DST: variants seen among roughly 807,000 people sequenced by gnomAD.
DST encodes bullous pemphigoid antigen.
Under a neutral mutation model 875.2 loss-of-function variants are expected in DST, and 253 were observed. That is an observed-to-expected ratio of 0.29 (90% CI 0.26 to 0.32). The LOEUF (loss-of-function observed/expected upper bound fraction) is 0.32. Ranked by LOEUF, DST falls within the 10% of genes least tolerant of loss-of-function variation. The probability of loss-of-function intolerance (pLI) is 1.00; values close to 1 mark genes in which losing one functional copy is unlikely to be tolerated. For synonymous variants in DST, 3,124 were observed against 3,197.1 expected (o/e 0.98, Z 0.77); for missense variants, 8,287 against 9,111.6 (o/e 0.91, Z 3.68).
Position 56,608,172 on chromosome 6 carries a change from A to G in DST, c.6456T>C (p.Asp2152=). The change falls in exon 40 of 104, where the codon GAT becomes GAC. Residue 2152 remains aspartate (D), a synonymous_variant. Coordinates refer to ENST00000680361, the MANE Select transcript of DST (RefSeq NM_001374736.1). The stretch of plus-strand genomic sequence containing the variant: ...TTCTGGCATTTTTACAAGCTTCTAA[A>G]TCTCCTAAATCTGGCATTTTATCAG... ...TLPDKMPDLG[D]LEACKNARRW... 6.2e-7 allele frequency: 1 copy of G among 1,613,704 alleles called. No homozygotes were observed. The highest frequency in any genetic ancestry group is 1.1e-5 in the South Asian group (1 of 91,080).
chr6:56,479,447 T>C (rs2095326149), intron 90 of DST, among the ~76,000 whole-genome samples: 1 of 152,004 alleles, frequency 6.6e-6, no homozygotes, highest in East Asian at 1.9e-4. Context: ...GGAAAAGAAA[T>C]CATTATATCA....
chr6:56,843,817 C>T (rs1406600350), intron 4 of DST, among the ~76,000 whole-genome samples: 3 of 151,726 alleles, frequency 2.0e-5, no homozygotes, highest in African/African-American at 7.3e-5. Flanking sequence ...TGGCTCAGCT[C>T]CGGCCCCGGC....
At chr6:56,491,061 G>C (rs1335526652) in intron 85 of DST, among the ~76,000 whole-genome samples, 1 of 152,212 alleles carries the variant, frequency 6.6e-6, no homozygotes, top group Non-Finnish European at 1.5e-5. Context: ...ATAATGTGGA[G>C]AGAAAACTGT....
At chr6:56,599,453 C>A (rs2098422547) in intron 45 of DST, among the ~76,000 whole-genome samples, 1 of 152,002 alleles carries the variant, frequency 6.6e-6, no homozygotes, top group Admixed American at 6.6e-5. Context: ...GTGACTTACA[C>A]AATATTTACT....
rs1797010680 is a variant in DST at position 56,907,716 on chromosome 6, G to T, written c.217-7095C>A. Among the ~76,000 whole-genome samples the T allele has an allele frequency of 2.6e-5, 4 of 151,980 alleles. 1 individual carries two copies. In the South Asian group the frequency reaches 8.3e-4, roughly 31 times the overall value. ...ATGTTGACTGATTAAAACAAGAAAA[G>T]ATCTATTAACAATTTAGATGAATGA... On this transcript the variant is annotated intron_variant, in intron 2 of 103. Transcript: ENST00000680361.
intron 69 of DST, among the ~76,000 whole-genome samples, chr6:56,522,189 T>G (rs930013650): frequency 5.9e-5 from 9 of 152,118 alleles, no homozygotes; most frequent in Non-Finnish European, 1.2e-4. Flanking sequence ...GTGCTTAACA[T>G]GCAATACCTC....
intron 9 of DST, among the ~76,000 whole-genome samples, chr6:56,694,185 G>A (rs1411699556): frequency 6.8e-6 from 1 of 146,854 alleles, no homozygotes; most frequent in Non-Finnish European, 1.5e-5. Context: ...TCTAAGGTGT[G>A]CATATTTCTA....
At chr6:56,584,336 T>C (rs1262694891) in intron 49 of DST, among the ~76,000 whole-genome samples, 1 of 152,114 alleles carries the variant, frequency 6.6e-6, no homozygotes, top group Non-Finnish European at 1.5e-5. Context: ...TTCCTAAGTA[T>C]TTTATTCTCT....
chr6:56,581,885 T>G (rs541828654), intron 49 of DST, among the ~76,000 whole-genome samples: 1 of 152,338 alleles, frequency 6.6e-6, no homozygotes, highest in Non-Finnish European at 1.5e-5. Context: ...TACTTTCTCC[T>G]GGGGTATATC....
At chr6:56,949,746 A>G (rs1821408422) in intron 2 of DST, among the ~76,000 whole-genome samples, 1 of 152,258 alleles carries the variant, frequency 6.6e-6, no homozygotes, top group African/African-American at 2.4e-5. Context: ...TTATTTATTT[A>G]TAAAGATAAC....
intron 4 of DST, among the ~76,000 whole-genome samples, chr6:56,808,941 T>C (rs150443348): frequency 8.7e-4 from 132 of 152,326 alleles, no homozygotes; most frequent in African/African-American, 2.6e-3. Flanking sequence ...CTGGTTTATA[T>C]TGGACTGCCT....
In DST at chr6:56,617,347, G is replaced by A. The variant is rs370483824; in HGVS notation, c.4930-2863C>T. On this transcript the variant is annotated intron_variant, in intron 36 of 103. Transcript: ENST00000680361. ...CTTCAAGCATCCATTCTTCAGCACTGGGAACTGGGTTCTTTTCTTGTTTTA... is the reference window on the plus strand; with the variant it reads ...CTTCAAGCATCCATTCTTCAGCACTAGGAACTGGGTTCTTTTCTTGTTTTA... 45 of 1,613,796 alleles carry A rather than the reference G, an allele frequency of 2.8e-5. No individual in the cohort carries two copies. The African/African-American group carries it at 5.5e-4, about 20-fold the overall frequency.
chr6:56,618,424 C>CT (rs759559819), intron 36 of DST: 3 of 1,613,996 alleles, frequency 1.9e-6, no homozygotes, highest in Non-Finnish European at 2.5e-6. Flanking sequence ...TGGCTGTGCT[C>CT]TTTTTTTGAA....
chr6:56,695,495 C>T (rs974604310), intron 9 of DST, among the ~76,000 whole-genome samples: 5 of 152,198 alleles, frequency 3.3e-5, no homozygotes, highest in Non-Finnish European at 7.3e-5. Flanking sequence ...TGCCTGGTTA[C>T]TGGCATTCAT....
chr6:56,758,460 C>T (rs1421692759), intron 4 of DST, among the ~76,000 whole-genome samples: 9 of 151,292 alleles, frequency 5.9e-5, no homozygotes, highest in Non-Finnish European at 1.2e-4. Context: ...TGACAAACTA[C>T]ACTGGAATTC....
intron 61 of DST, among the ~76,000 whole-genome samples, chr6:56,541,891 G>C (rs1192733503): frequency 1.3e-5 from 2 of 152,124 alleles, no homozygotes; most frequent in African/African-American, 4.8e-5. Flanking sequence ...CCAAAACACA[G>C]AAAATAAACA....
rs1259956181 is a variant in DST at position 56,900,409 on chromosome 6, T to C, written c.417+12A>G. ...AATTTAATATTTTTATAAAAGACAG[T>C]TCTCTACTTACAGGCCTCCTGATTG... On this transcript the variant is annotated intron_variant, in intron 3 of 103. Transcript: ENST00000680361. 3 of 1,363,036 alleles carry C rather than the reference T, an allele frequency of 2.2e-6. No homozygotes were observed. Among genetic ancestry groups the C allele is most frequent in the Non-Finnish European group, 2.0e-6 (2 of 1,019,822 alleles). 84.4% of individuals were successfully genotyped at this position (1,363,036 alleles called of 1,614,324 possible).
intron 4 of DST, among the ~76,000 whole-genome samples, chr6:56,767,022 C>T (rs1400361660): frequency 2.0e-5 from 3 of 152,096 alleles, no homozygotes; most frequent in South Asian, 2.1e-4. Context: ...CAAGCAGCTG[C>T]AGCTTGTCAA....
chr6:56,834,260 C>A (rs1195082765), intron 4 of DST, among the ~76,000 whole-genome samples: 1 of 152,018 alleles, frequency 6.6e-6, no homozygotes, highest in Non-Finnish European at 1.5e-5. Flanking sequence ...GGCAAAAGAT[C>A]TGAACAGACA....
Sources: gnomAD v4.1 joint callset for allele counts (sites outside exome capture counted in the v4.1 genomes callset) on GRCh38, gnomAD v4.1.1 for gene constraint, MANE v1.5 for transcripts, NCBI Gene and HGNC (gene_info 2026-07-23, HGNC 2026-07-21) for gene names.